PTPN21: variants seen among roughly 807,000 people sequenced by gnomAD.
The protein encoded by PTPN21 is tyrosine-protein phosphatase non-receptor type 21.
In PTPN21, 77 loss-of-function variants were observed where a neutral mutation model predicts 131.8. The observed-to-expected ratio is 0.58, with a 90% CI of 0.49 to 0.71. PTPN21 has a LOEUF of 0.71. Ranked by LOEUF, PTPN21 falls within the 30% of genes least tolerant of loss-of-function variation. The pLI is 0.00. For missense variants in PTPN21, 1,552 were observed against 1,527.1 expected (o/e 1.02, Z -0.27); for synonymous variants, 715 against 621.3 (o/e 1.15, Z -2.24).
chr14:88,534,890 A>G (rs1341234493), intron 2 of PTPN21, among the ~76,000 whole-genome samples: 1 of 152,122 alleles, frequency 6.6e-6, no homozygotes, highest in Non-Finnish European at 1.5e-5. Flanking sequence ...AAATTAAAAA[A>G]TTGTGATATA....
intron 10 of PTPN21, among the ~76,000 whole-genome samples, 189 bp from the exon 11 acceptor site, chr14:88,486,031 G>A (rs1344871683): frequency 6.6e-6 from 1 of 152,114 alleles, no homozygotes; most frequent in African/African-American, 2.4e-5. Flanking sequence ...CTTTCCTGCT[G>A]CCCCAACCCG....
rs1393142104 is a variant in PTPN21 at position 88,479,229 on chromosome 14, C to T, written c.2202G>A (p.Glu734=). The change falls in exon 13 of 19, where the codon GAG becomes GAA. Residue 734 remains glutamate (E), a synonymous_variant. Coordinates refer to ENST00000556564, the MANE Select transcript of PTPN21 (RefSeq NM_007039.4). ...GARAPPARAR[E]PRPGLAQDPP... ...GGTCCTGGGCCAGGCCGGGCCGAGG[C>T]TCGCGCGCACGTGCAGGAGGCGCCC... 11 of 1,604,698 alleles carry T rather than the reference C, an allele frequency of 6.9e-6. No homozygotes were observed. Among genetic ancestry groups the T allele is most frequent in the Non-Finnish European group, 8.5e-7 (1 of 1,175,642 alleles).
Position 88,542,574 on chromosome 14 carries a change from T to G in PTPN21, c.180+7664A>C, listed in dbSNP as rs1028615793. ...AGTTTATTAGGCACTAAGTCTAGGT[T>G]GAATAATACTCTATTCTTCAAATAA... is the stretch of plus-strand genomic sequence containing the variant. On this transcript the variant is annotated intron_variant, in intron 2 of 18. Coordinates refer to ENST00000556564, the MANE Select transcript of PTPN21 (RefSeq NM_007039.4). Among the ~76,000 whole-genome samples the G allele has an allele frequency of 1.8e-4, 28 of 152,224 alleles. 1 individual carries two copies. The highest frequency in any genetic ancestry group is 1.5e-5 in the Non-Finnish European group (1 of 68,036).
chr14:88,547,538 C>T (rs1035549061), intron 2 of PTPN21: 2 of 375,064 alleles, frequency 5.3e-6, no homozygotes, highest in African/African-American at 4.3e-5. Context: ...CCTGTAGTCC[C>T]AGCTCTTGGC....
chr14:88,544,494 G>A (rs1229599355), intron 2 of PTPN21, among the ~76,000 whole-genome samples: 1 of 152,132 alleles, frequency 6.6e-6, no homozygotes, highest in African/African-American at 2.4e-5. Flanking sequence ...CAAATACCAG[G>A]TCCTTTGCTA....
At chr14:88,512,451 T>C (rs564297998) in intron 3 of PTPN21, 1 of 152,362 alleles carries the variant, frequency 6.6e-6, no homozygotes, top group Non-Finnish European at 1.5e-5. Context: ...AGAAAGTTTT[T>C]ATTACCTTTT....
At chr14:88,520,260 A>T (rs1054122876) in intron 2 of PTPN21, among the ~76,000 whole-genome samples, 3 of 152,184 alleles carry the variant, frequency 2.0e-5, no homozygotes, top group African/African-American at 7.2e-5. Context: ...TGTAAAAAAT[A>T]CAAAAAATTA....
intron 2 of PTPN21, among the ~76,000 whole-genome samples, chr14:88,528,227 A>G (rs1483856998): frequency 6.6e-6 from 1 of 152,078 alleles, no homozygotes; most frequent in East Asian, 1.9e-4. Flanking sequence ...GAATTTATAT[A>G]TTGCTTTTGG....
At chr14:88,521,379 A>C (rs901040757) in intron 2 of PTPN21, among the ~76,000 whole-genome samples, 1 of 152,024 alleles carries the variant, frequency 6.6e-6, no homozygotes, top group Admixed American at 6.6e-5. Flanking sequence ...TTAGGATCTA[A>C]AACTGTTTTG....
chr14:88,534,357 TG>T (rs532531630), intron 2 of PTPN21, among the ~76,000 whole-genome samples: 359 of 150,146 alleles, frequency 2.4e-3, no homozygotes, highest in African/African-American at 8.4e-3. Context: ...TACCCCAGCC[TG>T]GGCAACAAAG....
At chr14:88,532,768 C>T (rs2078572209) in intron 2 of PTPN21, among the ~76,000 whole-genome samples, 1 of 152,040 alleles carries the variant, frequency 6.6e-6, no homozygotes, top group South Asian at 2.1e-4. Flanking sequence ...TTCTTTTTAG[C>T]AAAGGAGAAC....
intron 18 of PTPN21, 126 bp from the exon 19 acceptor site, chr14:88,468,391 C>A (rs2077399812): frequency 5.4e-6 from 5 of 924,266 alleles, no homozygotes; most frequent in Non-Finnish European, 7.9e-6. Flanking sequence ...ACCTTAGCGT[C>A]TTCTAGAAAT....
intron 2 of PTPN21, among the ~76,000 whole-genome samples, chr14:88,532,943 A>T (rs575716582): frequency 6.6e-6 from 1 of 152,326 alleles, no homozygotes; most frequent in East Asian, 1.9e-4. Context: ...TCCTTTATTT[A>T]CGACAGATAG....
At chr14:88,533,813 GTGAGC>G (rs1451446633) in intron 2 of PTPN21, among the ~76,000 whole-genome samples, 1 of 152,160 alleles carries the variant, frequency 6.6e-6, no homozygotes, top group Admixed American at 6.5e-5. Context: ...CGAGGCTGCA[GTGAGC>G]TGTGATTGAG....
chr14:88,513,711 T>C (rs1252716201), intron 3 of PTPN21: 1 of 152,174 alleles, frequency 6.6e-6, no homozygotes, highest in Admixed American at 6.5e-5. Flanking sequence ...ACTGAGAAAA[T>C]ACATCAGCTA....
chr14:88,550,392 A>C lies in PTPN21; in HGVS notation c.26T>G (p.Leu9Arg), dbSNP rs2078847758. 1 of 1,613,916 alleles carries C rather than the reference A, an allele frequency of 6.2e-7. No homozygotes were observed. Among genetic ancestry groups the C allele is most frequent in the African/African-American group, 1.3e-5 (1 of 74,936 alleles). The change falls in exon 2 of 19, where the codon CTG becomes CGG. Residue 9 changes from leucine to arginine, a missense_variant. Coordinates refer to ENST00000556564, the MANE Select transcript of PTPN21 (RefSeq NM_007039.4). MPLPFGLK[L>R]KRTRRYTVSS... is the part of the protein sequence containing the mutation. ...CACCGTGTAGCGCCGGGTGCGTTTC[A>C]GTTTCAACCCAAATGGCAGTGGCAT...
At chr14:88,523,182 T>C (rs2078423229) in intron 2 of PTPN21, among the ~76,000 whole-genome samples, 2 of 151,974 alleles carry the variant, frequency 1.3e-5, no homozygotes, top group Admixed American at 1.3e-4. Context: ...TAAATATAGA[T>C]GCAAAAATCC....
At chr14:88,548,255 CTTCA>C (rs2078811246) in intron 2 of PTPN21, among the ~76,000 whole-genome samples, 1 of 152,214 alleles carries the variant, frequency 6.6e-6, no homozygotes, top group African/African-American at 2.4e-5. Context: ...TGTTTACACC[CTTCA>C]TTAACTTCCC....
At chr14:88,508,725 C>T (rs1566832853) in intron 3 of PTPN21, among the ~76,000 whole-genome samples, 1 of 152,110 alleles carries the variant, frequency 6.6e-6, no homozygotes, top group Non-Finnish European at 1.5e-5. Flanking sequence ...GGTAGAAGTT[C>T]CCTAGCACTG....
Sources: allele counts gnomAD v4.1 joint callset (sites outside exome capture counted in the v4.1 genomes callset), GRCh38; gene constraint gnomAD v4.1.1; transcripts MANE v1.5; gene names NCBI Gene and HGNC (gene_info 2026-07-23, HGNC 2026-07-21).